The following ZNF560 variants were observed in gnomAD, a reference collection of about 807,000 sequenced individuals.
ZNF560 encodes the protein zinc finger protein 560.
ZNF560 carries 54 observed loss-of-function variants against 81.8 expected under a neutral mutation model. That is an observed-to-expected ratio of 0.66 (90% confidence interval 0.53 to 0.83). The LOEUF is 0.83. Ranked by LOEUF, ZNF560 falls within the 40% of genes least tolerant of loss-of-function variation. The pLI is 0.00. For missense variants in ZNF560, 940 were observed against 932.4 expected, an observed-to-expected ratio of 1.01 and a Z score of -0.11; for synonymous variants, 321 against 317.9, an observed-to-expected ratio of 1.01 and a Z score of -0.10.
At chr19:9,473,066 A>T (rs10401559) in intron 5 of ZNF560, 113 bp downstream of exon 5, 94,706 of 863,680 alleles carry the variant, frequency 0.11, 7,597 homozygotes, top group African/African-American at 0.31. Flanking sequence ...CTATTTTCTT[A>T]ATAAATCACC....
upstream of ZNF560, among the ~76,000 whole-genome samples, chr19:9,502,706 T>C (rs12610245): frequency 6.5e-3 from 983 of 152,358 alleles, 76 homozygotes; most frequent in East Asian, 0.16. Flanking sequence ...TTTCTAGAAA[T>C]GTGTCCACTT....
At chr19:9,481,423 G>A (rs1231455165) in intron 2 of ZNF560, among the ~76,000 whole-genome samples, 1 of 152,180 alleles carries the variant, frequency 6.6e-6, no homozygotes, top group Non-Finnish European at 1.5e-5. Flanking sequence ...TTGACAAATG[G>A]GATCTAATTA....
intron 2 of ZNF560, among the ~76,000 whole-genome samples, chr19:9,495,210 G>A (rs1425030564): frequency 6.6e-6 from 1 of 152,014 alleles, no homozygotes; most frequent in East Asian, 1.9e-4. Flanking sequence ...AATTAAACAA[G>A]ACACAGCATG....
intron 2 of ZNF560, among the ~76,000 whole-genome samples, chr19:9,482,411 CT>C (rs1218501414): frequency 7.6e-6 from 1 of 132,004 alleles, no homozygotes; most frequent in Non-Finnish European, 1.5e-5. Flanking sequence ...TACCTTAGAA[CT>C]TAAAGTATAA....
intron 2 of ZNF560, among the ~76,000 whole-genome samples, chr19:9,490,476 G>T (rs578203187): frequency 2.6e-5 from 4 of 152,102 alleles, no homozygotes; most frequent in African/African-American, 9.7e-5. Flanking sequence ...ATCACATTTC[G>T]TCACTAGCAT....
At chr19:9,500,473 G>A (rs2073624617), upstream of ZNF560, among the ~76,000 whole-genome samples, 2 of 151,418 alleles carry the variant, frequency 1.3e-5, no homozygotes, top group Admixed American at 6.6e-5. Context: ...TCTCCTTCCT[G>A]GTCTTAGGGA....
chr19:9,461,269 T>C, the ZNF560 span, among the ~76,000 whole-genome samples: 1 of 152,174 alleles, frequency 6.6e-6, no homozygotes, highest in African/African-American at 2.4e-5. Context: ...CTAATTATCA[T>C]GTAACTTGCC....
chr19:9,447,930 G>A, the ZNF560 span, among the ~76,000 whole-genome samples: 2 of 152,126 alleles, frequency 1.3e-5, no homozygotes, highest in South Asian at 2.1e-4. Flanking sequence ...TAAGGTCAAC[G>A]CTAGAGAAAA....
chr19:9,484,218 A>G (rs927853657), intron 2 of ZNF560, among the ~76,000 whole-genome samples: 34 of 151,424 alleles, frequency 2.2e-4, no homozygotes, highest in African/African-American at 2.4e-5. Context: ...TTATCTGCTG[A>G]CCTTCCCTCC....
the ZNF560 span, among the ~76,000 whole-genome samples, chr19:9,455,031 T>G: frequency 6.6e-6 from 1 of 152,054 alleles, no homozygotes; most frequent in Non-Finnish European, 1.5e-5. Flanking sequence ...AAAAGTAGTC[T>G]CCCCAGCAAC....
the ZNF560 span, among the ~76,000 whole-genome samples, chr19:9,456,001 A>C: frequency 1.3e-5 from 2 of 152,230 alleles, no homozygotes; most frequent in African/African-American, 4.8e-5. Flanking sequence ...TGAAGTGTAA[A>C]AAAGGAAAGC....
intron 2 of ZNF560, among the ~76,000 whole-genome samples, chr19:9,492,152 G>A (rs577688551): frequency 6.6e-6 from 1 of 151,916 alleles, no homozygotes; most frequent in Admixed American, 6.6e-5. Flanking sequence ...GGCTAATCTG[G>A]GTGGTTTTCG....
At chr19:9,473,309 A>C (rs1035242643) in intron 4 of ZNF560, 50 bp from the exon 5 acceptor site, 1 of 1,424,944 alleles carries the variant, frequency 7.0e-7, no homozygotes, top group Non-Finnish European at 9.7e-7. Context: ...GGCCAGGCAC[A>C]GTGGCTCATG....
chr19:9,460,852 A>C, the ZNF560 span, among the ~76,000 whole-genome samples: 1 of 152,246 alleles, frequency 6.6e-6, no homozygotes, highest in East Asian at 1.9e-4. Context: ...GAGGTGCTGC[A>C]TGATTCCTAT....
At chr19:9,495,919 C>A (rs992104594) in intron 2 of ZNF560, among the ~76,000 whole-genome samples, 1 of 152,166 alleles carries the variant, frequency 6.6e-6, no homozygotes, top group Non-Finnish European at 1.5e-5. Flanking sequence ...AAACTAAAGT[C>A]TGTTCCTTAT....
At chr19:9,469,585 C>T (rs1200488424) in intron 8 of ZNF560, 45 bp downstream of exon 8, 1 of 1,566,444 alleles carries the variant, frequency 6.4e-7, no homozygotes, top group East Asian at 2.2e-5. Context: ...TCCAAACGTA[C>T]TGAGAACTTC....
downstream of ZNF560, among the ~76,000 whole-genome samples, chr19:9,462,281 G>A (rs114213162): frequency 2.7e-3 from 411 of 152,178 alleles, 2 homozygotes; most frequent in African/African-American, 9.6e-3. Flanking sequence ...CACCCAGGGC[G>A]GAAAACTGCT....
chr19:9,463,254 G>C (rs974544949), downstream of ZNF560, among the ~76,000 whole-genome samples: 3 of 152,032 alleles, frequency 2.0e-5, no homozygotes, highest in Non-Finnish European at 2.9e-5. Flanking sequence ...TCAGAAATCA[G>C]CTTCTAAAAA....
At chr19:9,505,821 A>C in the ZNF560 span, among the ~76,000 whole-genome samples, 1 of 151,774 alleles carries the variant, frequency 6.6e-6, no homozygotes, top group Admixed American at 6.6e-5. Context: ...GTGCCACTAT[A>C]CCTGGCTAAT....
Sources: gnomAD v4.1 joint callset for allele counts (sites outside exome capture counted in the v4.1 genomes callset) on GRCh38, gnomAD v4.1.1 for gene constraint, MANE v1.5 for transcripts, NCBI Gene and HGNC (gene_info 2026-07-23, HGNC 2026-07-21) for gene names.